Variants in WDPCP observed in about 807,000 individuals in gnomAD.
WDPCP encodes the protein WD repeat-containing and planar cell polarity effector protein fritz homolog.
A neutral mutation model predicts 93.1 loss-of-function variants in WDPCP; 71 were observed. The ratio of observed to expected loss-of-function variants is 0.76; its 90% CI spans 0.63 to 0.93. The LOEUF is 0.93. Among genes scored for constraint, WDPCP ranks in the 40% least tolerant of loss-of-function variants. The pLI is 0.00. For missense variants in WDPCP, 844 were observed against 887.4 expected, an observed-to-expected ratio of 0.95 and a Z score of 0.62; for synonymous variants, 315 against 315.0, an observed-to-expected ratio of 1.00 and a Z score of 0.00.
chr2:63,316,056 CTCAG>C (rs775812474), intron 12 of WDPCP, among the ~76,000 whole-genome samples: 4 of 151,992 alleles, frequency 2.6e-5, no homozygotes, highest in Admixed American at 6.6e-5. Flanking sequence ...AGCCACTGTG[CTCAG>C]TCAATTTGAC....
At chr2:63,660,572 A>G (rs1235120998) in intron 2 of WDPCP, among the ~76,000 whole-genome samples, 1 of 152,198 alleles carries the variant, frequency 6.6e-6, no homozygotes, top group Non-Finnish European at 1.5e-5. Flanking sequence ...CTATTACCTC[A>G]AAACTAAAGC....
intron 2 of WDPCP, among the ~76,000 whole-genome samples, chr2:63,701,133 TA>T (rs2103706260): frequency 6.6e-6 from 1 of 152,214 alleles, no homozygotes; most frequent in East Asian, 1.9e-4. Context: ...CCAGGATATA[TA>T]AGGAGCTCAA....
chr2:63,448,934 T>C (rs750415274), intron 6 of WDPCP, among the ~76,000 whole-genome samples: 5 of 152,158 alleles, frequency 3.3e-5, no homozygotes, highest in Non-Finnish European at 7.3e-5. Flanking sequence ...TAGAGATCTA[T>C]AGTACAACAC....
At chr2:63,190,460 G>A (rs1674961948) in intron 14 of WDPCP, among the ~76,000 whole-genome samples, 1 of 149,610 alleles carries the variant, frequency 6.7e-6, no homozygotes, top group Non-Finnish European at 1.5e-5. Context: ...AAGTAGAGGA[G>A]AAAAGTTTTT....
At position 63,800,200 on chromosome 2, in the gene WDPCP, T is replaced by G. The variant is rs534153291; in HGVS notation, n.308+13422A>C. Among the ~76,000 whole-genome samples the G allele has an allele frequency of 9.2e-5, 14 of 151,370 alleles. 2 individuals carry two copies. Among genetic ancestry groups the G allele is most frequent in the African/African-American group, 3.4e-4 (14 of 41,312 alleles). ...TGAATGGCAACATATAACTTAATTCTAAAAAAAAACCCAATGGAATTCTGG... is the reference window on the plus strand; with the variant it reads ...TGAATGGCAACATATAACTTAATTCGAAAAAAAAACCCAATGGAATTCTGG... On this transcript the variant is annotated intron_variant and non_coding_transcript_variant, in intron 2 of 4. Coordinates refer to the WDPCP transcript ENST00000467687.
At chr2:63,476,545 C>T (rs1041472024) in intron 6 of WDPCP, among the ~76,000 whole-genome samples, 1 of 152,130 alleles carries the variant, frequency 6.6e-6, no homozygotes, top group Non-Finnish European at 1.5e-5. Context: ...CAGTGTCATA[C>T]AATTTGGCAC....
chr2:63,568,134 T>C (rs1464949955), intron 1 of WDPCP, among the ~76,000 whole-genome samples: 1 of 152,152 alleles, frequency 6.6e-6, no homozygotes, highest in Non-Finnish European at 1.5e-5. Flanking sequence ...CCATATGAGG[T>C]TGTTTGCAGG....
intron 1 of WDPCP, among the ~76,000 whole-genome samples, chr2:63,533,840 G>C (rs1704051638): frequency 6.6e-6 from 1 of 151,860 alleles, no homozygotes; most frequent in African/African-American, 2.4e-5. Flanking sequence ...GCTAGCAGAA[G>C]GCAAGAAATA....
At chr2:63,334,962 T>C (rs1688246117) in intron 12 of WDPCP, among the ~76,000 whole-genome samples, 1 of 152,176 alleles carries the variant, frequency 6.6e-6, no homozygotes, top group Non-Finnish European at 1.5e-5. Context: ...ATAGCTTATC[T>C]TCACAGGTAA....
At chr2:63,661,461 A>G (rs1356669839) in intron 2 of WDPCP, among the ~76,000 whole-genome samples, 3 of 152,214 alleles carry the variant, frequency 2.0e-5, no homozygotes, top group East Asian at 1.9e-4. Flanking sequence ...TTTCATGACA[A>G]TGTTCTTATC....
chr2:63,511,974 G>A (rs1702265600), intron 1 of WDPCP, among the ~76,000 whole-genome samples: 1 of 152,070 alleles, frequency 6.6e-6, no homozygotes, highest in African/African-American at 2.4e-5. Context: ...CTACAGAATG[G>A]GGGAAAATTT....
At chr2:63,514,091 T>C (rs186256237) in intron 1 of WDPCP, among the ~76,000 whole-genome samples, 196 of 152,258 alleles carry the variant, frequency 1.3e-3, no homozygotes, top group Non-Finnish European at 1.9e-3. Flanking sequence ...ATGAAATAAG[T>C]ATATGCATGT....
chr2:63,534,934 G>A (rs1185464038), intron 1 of WDPCP, among the ~76,000 whole-genome samples: 1 of 152,200 alleles, frequency 6.6e-6, no homozygotes, highest in African/African-American at 2.4e-5. Flanking sequence ...CCTGTTTGCA[G>A]ATGACACGAT....
At chr2:63,667,642 A>G (rs963441986) in intron 2 of WDPCP, among the ~76,000 whole-genome samples, 2 of 152,090 alleles carry the variant, frequency 1.3e-5, no homozygotes, top group Non-Finnish European at 2.9e-5. Flanking sequence ...AGCTACATTA[A>G]ACTCTAGAAA....
chr2:63,378,835 A>C (rs1236969618), intron 11 of WDPCP, among the ~76,000 whole-genome samples: 4 of 152,186 alleles, frequency 2.6e-5, no homozygotes, highest in African/African-American at 7.2e-5. Flanking sequence ...TTCCAGTAAA[A>C]TCAACTCACA....
intron 9 of WDPCP, among the ~76,000 whole-genome samples, chr2:63,425,811 C>T (rs966799722): frequency 6.6e-6 from 1 of 152,144 alleles, no homozygotes; most frequent in Non-Finnish European, 1.5e-5. Context: ...TTTGAGAATA[C>T]AGTCCAAGAA....
At chr2:63,328,810 T>C (rs888358069) in intron 12 of WDPCP, among the ~76,000 whole-genome samples, 1 of 152,206 alleles carries the variant, frequency 6.6e-6, no homozygotes, top group African/African-American at 2.4e-5. Flanking sequence ...CACTGCAGCC[T>C]GAAACTCCTG....
chr2:63,807,373 A>T (rs1471871056), intron 2 of WDPCP, among the ~76,000 whole-genome samples: 2 of 151,554 alleles, frequency 1.3e-5, no homozygotes, highest in Non-Finnish European at 2.9e-5. Flanking sequence ...AGAGTGTGAC[A>T]CCTCCCCATC....
intron 17 of WDPCP, among the ~76,000 whole-genome samples, chr2:63,146,069 C>T (rs548865190): frequency 6.6e-6 from 1 of 152,258 alleles, no homozygotes; most frequent in African/African-American, 2.4e-5. Context: ...TGTCCTGAAA[C>T]TGCTGAAGTT....
Sources: gnomAD v4.1 joint callset for allele counts (sites outside exome capture counted in the v4.1 genomes callset) on GRCh38, gnomAD v4.1.1 for gene constraint, MANE v1.5 for transcripts, NCBI Gene and HGNC (gene_info 2026-07-23, HGNC 2026-07-21) for gene names.